ODAD2: variants seen among roughly 807,000 people sequenced by gnomAD.
ODAD2 encodes outer dynein arm docking complex subunit 2, also known as outer dynein arm-docking complex subunit 2.
Under a neutral mutation model 106.8 loss-of-function variants are expected in ODAD2, and 89 were observed. The ratio of observed to expected loss-of-function variants is 0.83; its 90% CI spans 0.70 to 0.99. ODAD2 has a LOEUF of 0.99. Among genes scored for constraint, ODAD2 ranks in the 50% least tolerant of loss-of-function variants. The pLI, the probability that ODAD2 is intolerant of heterozygous loss-of-function variation, is 0.00. For synonymous variants in ODAD2, 404 were observed against 436.2 expected, an observed-to-expected ratio of 0.93 and a Z score of 0.92; for missense variants, 1,168 against 1,238.5, an observed-to-expected ratio of 0.94 and a Z score of 0.85.
chr10:27,866,312 A>G (rs1840433588), intron 17 of ODAD2, among the ~76,000 whole-genome samples: 1 of 152,202 alleles, frequency 6.6e-6, no homozygotes, highest in Non-Finnish European at 1.5e-5. Flanking sequence ...CAGAAGCAGG[A>G]TTTGATTCCA....
At chr10:27,991,591 A>G (rs1441502232) in intron 2 of ODAD2, among the ~76,000 whole-genome samples, 1 of 152,218 alleles carries the variant, frequency 6.6e-6, no homozygotes, top group Non-Finnish European at 1.5e-5. Flanking sequence ...ATATATTGCC[A>G]TCAATGTCCA....
At chr10:27,898,986 C>T (rs1256913929) in intron 17 of ODAD2, among the ~76,000 whole-genome samples, 2 of 152,014 alleles carry the variant, frequency 1.3e-5, no homozygotes, top group Non-Finnish European at 2.9e-5. Context: ...GTAGAACTAT[C>T]CTTTATATAA....
At chr10:27,887,435 A>G (rs545145769) in intron 17 of ODAD2, among the ~76,000 whole-genome samples, 1 of 152,132 alleles carries the variant, frequency 6.6e-6, no homozygotes, top group Non-Finnish European at 1.5e-5. Context: ...GAGAGAACAT[A>G]AATAAGGAAA....
intron 1 of ODAD2, among the ~76,000 whole-genome samples, chr10:27,996,191 A>G (rs1316243823): frequency 6.6e-6 from 1 of 152,194 alleles, no homozygotes; most frequent in Non-Finnish European, 1.5e-5. Flanking sequence ...GCACTTATTG[A>G]TAAAATCTTT....
At chr10:27,972,602 A>G (rs1241310783) in intron 7 of ODAD2, among the ~76,000 whole-genome samples, 2 of 152,154 alleles carry the variant, frequency 1.3e-5, no homozygotes, top group Admixed American at 1.3e-4. Context: ...TGCAAACAAT[A>G]ATCAAAAGAA....
intron 17 of ODAD2, among the ~76,000 whole-genome samples, chr10:27,894,672 G>T (rs767279948): frequency 2.6e-5 from 4 of 151,662 alleles, no homozygotes; most frequent in Non-Finnish European, 5.9e-5. Context: ...AACCTCCCAG[G>T]CTCAAGCAAT....
At chr10:27,994,352 C>T (rs1196614088) in intron 2 of ODAD2, among the ~76,000 whole-genome samples, 1 of 152,080 alleles carries the variant, frequency 6.6e-6, no homozygotes, top group Non-Finnish European at 1.5e-5. Flanking sequence ...ATTTCATCTA[C>T]ATCAGAGGTC....
chr10:27,865,801 G>A (rs1840397129), intron 17 of ODAD2, among the ~76,000 whole-genome samples: 1 of 152,186 alleles, frequency 6.6e-6, no homozygotes, highest in Admixed American at 6.5e-5. Flanking sequence ...AATGGTGAAG[G>A]CAGGACACGA....
chr10:27,817,807 G>A (rs1277069294), intron 19 of ODAD2, among the ~76,000 whole-genome samples: 1 of 152,036 alleles, frequency 6.6e-6, no homozygotes, highest in Non-Finnish European at 1.5e-5. Context: ...TACAAGTGCA[G>A]GTATGTTTTT....
intron 17 of ODAD2, among the ~76,000 whole-genome samples, chr10:27,901,526 A>G (rs1843200500): frequency 6.6e-6 from 1 of 152,212 alleles, no homozygotes; most frequent in African/African-American, 2.4e-5. Context: ...GGCAAATTGG[A>G]TAAAGATCAA....
intron 12 of ODAD2, among the ~76,000 whole-genome samples, chr10:27,941,634 T>C (rs1846455586): frequency 1.6e-5 from 2 of 127,010 alleles, no homozygotes; most frequent in African/African-American, 5.8e-5. Context: ...CTAAAGTCAC[T>C]GAAGATCTTA....
At chr10:27,815,076 G>A (rs867079446) in intron 19 of ODAD2, among the ~76,000 whole-genome samples, 32 of 152,178 alleles carry the variant, frequency 2.1e-4, no homozygotes, top group Middle Eastern at 6.8e-3. Flanking sequence ...AAACTCGATC[G>A]AAGCCATTAG....
At chr10:27,995,337 T>C (rs1850496198) in intron 1 of ODAD2, among the ~76,000 whole-genome samples, 157 bp from the exon 2 acceptor site, 1 of 152,190 alleles carries the variant, frequency 6.6e-6, no homozygotes, top group African/African-American at 2.4e-5. Flanking sequence ...TTCAGTTCAA[T>C]GAAGTAGTAA....
chr10:27,901,598 A>G (rs1312663514), intron 17 of ODAD2, among the ~76,000 whole-genome samples: 2 of 152,204 alleles, frequency 1.3e-5, no homozygotes, highest in Admixed American at 6.5e-5. Flanking sequence ...CATAGGCTCA[A>G]AATAAAGGAA....
At chr10:27,862,264 A>G (rs1451366115) in intron 18 of ODAD2, among the ~76,000 whole-genome samples, 170 bp downstream of exon 18, 1 of 152,218 alleles carries the variant, frequency 6.6e-6, no homozygotes, top group African/African-American at 2.4e-5. Context: ...ATACGCTTTC[A>G]CATATATTAG....
At chr10:27,935,421 C>G (rs1361401857) in intron 15 of ODAD2, among the ~76,000 whole-genome samples, 169 bp from the exon 16 acceptor site, 2 of 152,060 alleles carry the variant, frequency 1.3e-5, no homozygotes, top group African/African-American at 4.8e-5. Flanking sequence ...ACGTCTAACC[C>G]AGCCATCTGC....
At chr10:27,862,245 T>C (rs1840098800) in intron 18 of ODAD2, among the ~76,000 whole-genome samples, 189 bp downstream of exon 18, 4 of 152,198 alleles carry the variant, frequency 2.6e-5, no homozygotes. Flanking sequence ...TAACATTTTA[T>C]AGTTTAAAAT....
intron 17 of ODAD2, among the ~76,000 whole-genome samples, chr10:27,874,483 T>G (rs997611051): frequency 2.0e-5 from 3 of 152,210 alleles, no homozygotes. Flanking sequence ...GTTTTTGCAG[T>G]GGCTGGTACC....
At chr10:27,992,881 T>C (rs1379255927) in intron 2 of ODAD2, among the ~76,000 whole-genome samples, 1 of 152,154 alleles carries the variant, frequency 6.6e-6, no homozygotes, top group African/African-American at 2.4e-5. Flanking sequence ...ATCATGATAT[T>C]CTTTTCTGTC....
Sources: allele counts gnomAD v4.1 joint callset (sites outside exome capture counted in the v4.1 genomes callset), GRCh38; gene constraint gnomAD v4.1.1; transcripts MANE v1.5; gene names NCBI Gene and HGNC (gene_info 2026-07-23, HGNC 2026-07-21).